TMCC1: variants seen among roughly 807,000 people sequenced by gnomAD.
The protein encoded by TMCC1 is transmembrane and coiled-coil domain family 1.
A neutral mutation model predicts 52.4 loss-of-function variants in TMCC1; 15 were observed. The ratio of observed to expected loss-of-function variants is 0.29; its 90% CI spans 0.19 to 0.44. The LOEUF (loss-of-function observed/expected upper bound fraction) is 0.44. Among genes scored for constraint, TMCC1 ranks in the 20% least tolerant of loss-of-function variants. TMCC1 has a pLI of 1.00. For synonymous variants in TMCC1, 279 were observed against 301.9 expected (o/e 0.92, Z 0.79); for missense variants, 503 against 806.0 (o/e 0.62, Z 4.55).
intron 4 of TMCC1, among the ~76,000 whole-genome samples, chr3:129,768,993 C>G (rs1471704127): frequency 6.6e-6 from 1 of 152,118 alleles, no homozygotes; most frequent in East Asian, 1.9e-4. Context: ...TTCACAATAT[C>G]GTAAGGGAAG....
chr3:129,699,330 C>T (rs1440713358), intron 4 of TMCC1, among the ~76,000 whole-genome samples: 1 of 152,178 alleles, frequency 6.6e-6, no homozygotes, highest in Non-Finnish European at 1.5e-5. Flanking sequence ...AATTACAATG[C>T]ATTAGCATGC....
chr3:129,659,455 A>T (rs1038276513), intron 5 of TMCC1, among the ~76,000 whole-genome samples: 1 of 152,166 alleles, frequency 6.6e-6, no homozygotes, highest in Non-Finnish European at 1.5e-5. Context: ...TTCACAACGT[A>T]TTGATTTTAA....
At chr3:129,672,591 C>T (rs947393512) in intron 4 of TMCC1, among the ~76,000 whole-genome samples, 5 of 152,012 alleles carry the variant, frequency 3.3e-5, no homozygotes, top group African/African-American at 9.7e-5. Context: ...CAGAGCGAGA[C>T]CCTGTCTCTA....
chr3:129,801,525 G>A (rs905213891), intron 4 of TMCC1, among the ~76,000 whole-genome samples: 2 of 152,000 alleles, frequency 1.3e-5, no homozygotes, highest in African/African-American at 4.8e-5. Flanking sequence ...GCAGTGGCAC[G>A]ATCTCGGGTC....
intron 2 of TMCC1, among the ~76,000 whole-genome samples, chr3:129,875,813 T>C (rs2061175712): frequency 6.6e-6 from 1 of 152,196 alleles, no homozygotes; most frequent in Non-Finnish European, 1.5e-5. Context: ...CTGAGTATGC[T>C]ACATAGACTG....
chr3:129,879,232 A>G (rs373690140), intron 2 of TMCC1, among the ~76,000 whole-genome samples: 1 of 152,114 alleles, frequency 6.6e-6, no homozygotes, highest in Non-Finnish European at 1.5e-5. Context: ...CTTGAGCCCA[A>G]GAGTTCGAGA....
intron 4 of TMCC1, among the ~76,000 whole-genome samples, chr3:129,674,958 T>C (rs1461904661): frequency 6.6e-6 from 1 of 152,092 alleles, no homozygotes; most frequent in East Asian, 1.9e-4. Context: ...CTCCTGCCTC[T>C]TCCTGAGTAG....
Position 129,723,932 on chromosome 3 carries a change from A to T in TMCC1, c.577-52668T>A, listed in dbSNP as rs529962043. On this transcript the variant is annotated intron_variant, in intron 4 of 6. Transcript: ENST00000393238. ...ATGAGATTTTTTTTTTTTTTTTTTT[A>T]AAAGACAGATACACACACATATACA... 1.8e-3 allele frequency among the ~76,000 whole-genome samples: 150 copies of T among 81,414 alleles called. 1 individual carries two copies. The highest frequency in any genetic ancestry group is 4.2e-3 in the African/African-American group (88 of 21,030). 53.4% of individuals were successfully genotyped at this position (81,414 alleles called of 152,430 possible). A position where few individuals can be genotyped will look rare whatever the true frequency, so the allele number is the denominator to read the frequency against.
rs373183735 is a variant in TMCC1, at chr3:129,661,305, A to G, written c.1512-6202T>C. On this transcript the variant is annotated intron_variant, in intron 5 of 6. Transcript: ENST00000393238. ...GCTGGGCATAGTGGCATGCACCTGCAGTCCCAGCTACTCAGGAGGCTGAGG... is the reference window on the plus strand; with the variant it reads ...GCTGGGCATAGTGGCATGCACCTGCGGTCCCAGCTACTCAGGAGGCTGAGG... Among the ~76,000 whole-genome samples the G allele has an allele frequency of 4.6e-5, 7 of 152,346 alleles. No individual in the cohort carries two copies. The East Asian group carries it at 1.4e-3, about 29-fold the overall frequency.
chr3:129,773,677 G>A (rs1373899808), intron 4 of TMCC1, among the ~76,000 whole-genome samples: 1 of 152,216 alleles, frequency 6.6e-6, no homozygotes, highest in Non-Finnish European at 1.5e-5. Flanking sequence ...GGGCGAGGTG[G>A]CTCATGTCTG....
intron 4 of TMCC1, among the ~76,000 whole-genome samples, chr3:129,732,461 G>C (rs2050618096): frequency 1.3e-5 from 2 of 151,930 alleles, no homozygotes; most frequent in Admixed American, 1.3e-4. Flanking sequence ...TACTGTTTGG[G>C]GTCAGATTTC....
intron 2 of TMCC1, among the ~76,000 whole-genome samples, chr3:129,868,048 T>C (rs192835828): frequency 1.3e-5 from 2 of 152,270 alleles, no homozygotes; most frequent in East Asian, 1.9e-4. Context: ...AAAATATTAA[T>C]TTAAGGCTCA....
chr3:129,864,094 T>C (rs1212750699), intron 2 of TMCC1, among the ~76,000 whole-genome samples: 10 of 152,236 alleles, frequency 6.6e-5, no homozygotes. Context: ...TGCAGTTCTG[T>C]AAAAGAGTTC....
At chr3:129,887,557 A>C (rs1239788216) in intron 1 of TMCC1, among the ~76,000 whole-genome samples, 3 of 151,458 alleles carry the variant, frequency 2.0e-5, no homozygotes, top group Non-Finnish European at 2.9e-5. Context: ...AAAAAAAAAA[A>C]ACAACAAAAA....
intron 4 of TMCC1, among the ~76,000 whole-genome samples, chr3:129,764,789 ATTTTTTTTTTTTTTTT>A (rs543540842): frequency 2.3e-4 from 8 of 34,992 alleles, no homozygotes; most frequent in Admixed American, 5.4e-4. Context: ...ATATATATAT[ATTTTTTTTTTTTTTTT>A]TTTTTTTTTT....
intron 4 of TMCC1, among the ~76,000 whole-genome samples, chr3:129,783,252 A>G (rs909721740): frequency 6.6e-6 from 1 of 152,212 alleles, no homozygotes; most frequent in Non-Finnish European, 1.5e-5. Flanking sequence ...CTAAATATCT[A>G]AATGTACTTG....
intron 4 of TMCC1, among the ~76,000 whole-genome samples, chr3:129,824,049 ACTTTGGCTGGGCGCGGTGG>A (rs1176177532): frequency 3.3e-5 from 5 of 152,138 alleles, no homozygotes; most frequent in African/African-American, 1.2e-4. Flanking sequence ...AAACAAATGA[ACTTTGGCTGGGCGCGGTGG>A]CTCATGCCTG....
intron 4 of TMCC1, among the ~76,000 whole-genome samples, chr3:129,801,615 C>T (rs973035901): frequency 5.9e-5 from 9 of 152,140 alleles, no homozygotes; most frequent in African/African-American, 9.7e-5. Context: ...GCACACAACA[C>T]ACCTGCCTAA....
At chr3:129,727,017 C>T (rs949019907) in intron 4 of TMCC1, among the ~76,000 whole-genome samples, 1 of 151,484 alleles carries the variant, frequency 6.6e-6, no homozygotes, top group African/African-American at 2.4e-5. Context: ...ACTGATTCTC[C>T]ATTTCTGTTC....
Sources: gnomAD v4.1 joint callset for allele counts (sites outside exome capture counted in the v4.1 genomes callset) on GRCh38, gnomAD v4.1.1 for gene constraint, MANE v1.5 for transcripts, NCBI Gene and HGNC (gene_info 2026-07-23, HGNC 2026-07-21) for gene names.